Variants in PHF24 observed in about 807,000 individuals in gnomAD.
The protein encoded by PHF24 is PHD finger protein 24.
PHF24 carries 25 observed loss-of-function variants against 42.6 expected under a neutral mutation model. The observed-to-expected ratio is 0.59, with a 90% confidence interval of 0.43 to 0.82. The LOEUF (loss-of-function observed/expected upper bound fraction) is 0.82, where lower values mean the gene tolerates loss of function less well. Among genes scored for constraint, PHF24 ranks in the 40% least tolerant of loss-of-function variants. The probability of loss-of-function intolerance (pLI) is 0.00; values close to 1 mark genes in which losing one functional copy is unlikely to be tolerated. For missense variants in PHF24, 470 were observed against 538.1 expected, an observed-to-expected ratio of 0.87 and a Z score of 1.25; for synonymous variants, 185 against 204.8, an observed-to-expected ratio of 0.90 and a Z score of 0.83.
At chr9:34,841,160 C>T in the PHF24 span, among the ~76,000 whole-genome samples, 568 of 152,050 alleles carry the variant, frequency 3.7e-3, 3 homozygotes, top group African/African-American at 0.013. Flanking sequence ...CCACCACACC[C>T]GGCTAATTTT....
At chr9:34,863,960 A>G in the PHF24 span, among the ~76,000 whole-genome samples, 16 of 152,376 alleles carry the variant, frequency 1.1e-4, no homozygotes, top group South Asian at 2.1e-4. Context: ...GAAATAATTA[A>G]AAAGAATCAA....
At chr9:34,871,589 A>G in the PHF24 span, among the ~76,000 whole-genome samples, 2 of 152,218 alleles carry the variant, frequency 1.3e-5, no homozygotes, top group East Asian at 3.9e-4. Context: ...GTTTAGGTCT[A>G]TGATCCATTT....
chr9:34,815,018 C>T, the PHF24 span, among the ~76,000 whole-genome samples: 2 of 152,164 alleles, frequency 1.3e-5, no homozygotes, highest in Non-Finnish European at 2.9e-5. Flanking sequence ...AGGCTTGAGC[C>T]ACCGCGCTTG....
chr9:34,718,368 A>T, the PHF24 span, among the ~76,000 whole-genome samples: 1 of 151,968 alleles, frequency 6.6e-6, no homozygotes, highest in Non-Finnish European at 1.5e-5. Context: ...TCCTGGCCTC[A>T]CTGTTTCTGG....
At chr9:34,916,592 C>T in the PHF24 span, among the ~76,000 whole-genome samples, 1 of 152,132 alleles carries the variant, frequency 6.6e-6, no homozygotes, top group Non-Finnish European at 1.5e-5. Context: ...TATGTCATAA[C>T]ATTGAAAGTA....
the PHF24 span, among the ~76,000 whole-genome samples, chr9:34,860,359 T>C: frequency 6.6e-6 from 1 of 152,224 alleles, no homozygotes; most frequent in South Asian, 2.1e-4. Context: ...TGTTTTCCCA[T>C]AGTTCTGGCA....
chr9:34,679,213 G>C, the PHF24 span, among the ~76,000 whole-genome samples: 38 of 152,346 alleles, frequency 2.5e-4, no homozygotes, highest in African/African-American at 9.1e-4. Context: ...TGACTCATCA[G>C]ATCCAGTGGT....
chr9:34,917,806 G>T, the PHF24 span: 3 of 1,361,494 alleles, frequency 2.2e-6, no homozygotes, highest in African/African-American at 4.2e-5. Context: ...CCCTGTGAAG[G>T]AATCAGCATG....
At chr9:34,944,465 G>A in the PHF24 span, among the ~76,000 whole-genome samples, 1 of 152,352 alleles carries the variant, frequency 6.6e-6, no homozygotes, top group Middle Eastern at 3.4e-3. Flanking sequence ...AGGAGAAGGG[G>A]TAGAGCCCCT....
chr9:34,962,357 CT>C (rs113570241), intron 1 of PHF24, among the ~76,000 whole-genome samples: 335 of 143,092 alleles, frequency 2.3e-3, no homozygotes, highest in Admixed American at 2.7e-3. Flanking sequence ...TCCTGGAATG[CT>C]TTTTTTTTTT....
the PHF24 span, chr9:34,893,192 C>T: frequency 2.1e-6 from 1 of 475,490 alleles, no homozygotes; most frequent in Admixed American, 3.6e-5. Context: ...GATGGAGTGA[C>T]ATCTGCCTTC....
chr9:34,831,792 A>G, the PHF24 span, among the ~76,000 whole-genome samples: 2 of 152,068 alleles, frequency 1.3e-5, no homozygotes, highest in African/African-American at 2.4e-5. Flanking sequence ...ATTTCATGCA[A>G]CTGAGAGGCA....
At chr9:34,767,292 G>T in the PHF24 span, among the ~76,000 whole-genome samples, 1 of 152,230 alleles carries the variant, frequency 6.6e-6, no homozygotes, top group Non-Finnish European at 1.5e-5. Flanking sequence ...GTTTGTCCGT[G>T]CCCTTCCCCC....
chr9:34,879,031 C>A, the PHF24 span, among the ~76,000 whole-genome samples: 2 of 152,160 alleles, frequency 1.3e-5, no homozygotes, highest in Non-Finnish European at 2.9e-5. Context: ...GATCAGGTGG[C>A]AACAGTTGCC....
chr9:34,767,360 GTTCGAGC>G, the PHF24 span, among the ~76,000 whole-genome samples: 2 of 152,246 alleles, frequency 1.3e-5, no homozygotes, highest in East Asian at 3.9e-4. Flanking sequence ...GCTCCACCCA[GTTCGAGC>G]TTCCAGGCTG....
At chr9:34,963,255 A>C (rs1159199905) in intron 1 of PHF24, among the ~76,000 whole-genome samples, 1 of 118,778 alleles carries the variant, frequency 8.4e-6, no homozygotes, top group Non-Finnish European at 1.7e-5. Context: ...ACTCTTTTTG[A>C]TGGTTTTTTT....
At chr9:34,846,027 C>G in the PHF24 span, among the ~76,000 whole-genome samples, 1 of 152,158 alleles carries the variant, frequency 6.6e-6, no homozygotes, top group African/African-American at 2.4e-5. Context: ...GGTTCCAAGT[C>G]TTTGCTATTG....
At chr9:34,806,914 T>G in the PHF24 span, among the ~76,000 whole-genome samples, 7 of 152,252 alleles carry the variant, frequency 4.6e-5, no homozygotes, top group Non-Finnish European at 1.0e-4. Context: ...GCAGCATTGC[T>G]GAACTTATTT....
intron 1 of PHF24, among the ~76,000 whole-genome samples, chr9:34,969,585 G>A (rs1465857422): frequency 1.3e-5 from 2 of 150,282 alleles, no homozygotes; most frequent in Non-Finnish European, 3.0e-5. Context: ...AGGTTGCAGT[G>A]AGCCAAGATC....
Sources: allele counts gnomAD v4.1 joint callset (sites outside exome capture counted in the v4.1 genomes callset), GRCh38; gene constraint gnomAD v4.1.1; transcripts MANE v1.5; gene names NCBI Gene and HGNC (gene_info 2026-07-23, HGNC 2026-07-21).